CANX: variants seen among roughly 807,000 people sequenced by gnomAD.
CANX encodes epididymis secretory sperm binding protein.
A neutral mutation model predicts 75.7 loss-of-function variants in CANX; 14 were observed. That is an observed-to-expected ratio of 0.19 (90% CI 0.12 to 0.29). The LOEUF (loss-of-function observed/expected upper bound fraction) is 0.29, where lower values mean the gene tolerates loss of function less well. Among genes scored for constraint, CANX ranks in the 10% least tolerant of loss-of-function variants. CANX has a pLI of 1.00. For synonymous variants in CANX, 227 were observed against 236.9 expected, an observed-to-expected ratio of 0.96 and a Z score of 0.38; for missense variants, 567 against 713.2, an observed-to-expected ratio of 0.79 and a Z score of 2.34.
chr5:179,680,792 G>A (rs1000132233), intron 1 of CANX: 3 of 1,117,688 alleles, frequency 2.7e-6, no homozygotes, highest in Admixed American at 2.1e-5. Context: ...ACTAGAGCAG[G>A]GTTCCCTCTG....
chr5:179,723,644 C>T lies in CANX; in HGVS notation c.1399-16C>T, dbSNP rs1778456233. On this transcript the variant is annotated splice_polypyrimidine_tract_variant and intron_variant, in intron 11 of 14. Transcript: ENST00000247461. ...CAAAAGCTGGAACTTTCAATCAGCC[C>T]TGTCTTGTTTTTCAGCCAGGCGTTG... 3 of 1,610,058 alleles carry T rather than the reference C, an allele frequency of 1.9e-6. No homozygotes were observed. Among genetic ancestry groups the T allele is most frequent in the South Asian group, 2.2e-5 (2 of 90,220 alleles).
intron 1 of CANX, among the ~76,000 whole-genome samples, chr5:179,685,099 T>C (rs979009199): frequency 1.3e-5 from 2 of 151,444 alleles, no homozygotes; most frequent in Non-Finnish European, 2.9e-5. Flanking sequence ...ATCTATTTAT[T>C]TACTTATTTA....
intron 1 of CANX, among the ~76,000 whole-genome samples, chr5:179,686,620 A>T (rs768334738): frequency 8.6e-5 from 13 of 151,226 alleles, no homozygotes; most frequent in Non-Finnish European, 1.8e-4. Flanking sequence ...GCACCACTAC[A>T]CCCTGCTAAC....
chr5:179,699,139 G>A, intron 1 of CANX, 37 bp downstream of exon 1: 1 of 1,005,316 alleles, frequency 9.9e-7, no homozygotes, highest in Middle Eastern at 3.7e-4. Context: ...TCGGGCCTGT[G>A]AGGACCTCGG....
chr5:179,719,632 G>A, intron 8 of CANX, 36 bp from the exon 9 acceptor site: 1 of 1,185,796 alleles, frequency 8.4e-7, no homozygotes, highest in Non-Finnish European at 1.3e-6. Flanking sequence ...ACTGTGACCA[G>A]TGTTGTCATA....
chr5:179,718,426 T>C (rs1020651392), intron 8 of CANX, among the ~76,000 whole-genome samples: 1 of 152,182 alleles, frequency 6.6e-6, no homozygotes, highest in Non-Finnish European at 1.5e-5. Context: ...TTTCACCATG[T>C]TGGCCAGGAT....
chr5:179,710,306 G>A lies in CANX; in HGVS notation c.721+241G>A, dbSNP rs535041821. 9.2e-5 allele frequency among the ~76,000 whole-genome samples: 14 copies of A among 151,628 alleles called. No homozygotes were observed. The East Asian group carries it at 2.5e-3, about 27-fold the overall frequency. On this transcript the variant is annotated intron_variant, in intron 7 of 14. Coordinates refer to ENST00000247461, the MANE Select transcript of CANX (RefSeq NM_001746.4). ...GGCATGGTGGTGCACGCCTGTAACCGAAGCTAGTTGGGAGGCTGAGGCAGG... is the reference window on the plus strand; with the variant it reads ...GGCATGGTGGTGCACGCCTGTAACCAAAGCTAGTTGGGAGGCTGAGGCAGG...
intron 7 of CANX, among the ~76,000 whole-genome samples, chr5:179,714,337 G>A (rs1431109461): frequency 6.6e-6 from 1 of 152,022 alleles, no homozygotes; most frequent in African/African-American, 2.4e-5. Context: ...TTATATACAT[G>A]TATCAAAATA....
intron 8 of CANX, among the ~76,000 whole-genome samples, chr5:179,716,760 G>A (rs1381472766): frequency 1.3e-5 from 2 of 152,216 alleles, no homozygotes; most frequent in Non-Finnish European, 2.9e-5. Flanking sequence ...CCAGTTGTGA[G>A]GCATGATGTT....
chr5:179,682,234 A>G (rs1776082087), intron 1 of CANX, among the ~76,000 whole-genome samples: 1 of 149,174 alleles, frequency 6.7e-6, no homozygotes. Context: ...CCTGGGCAAC[A>G]AGAGCGAAAC....
chr5:179,680,336 A>G (rs746430035), intron 1 of CANX, among the ~76,000 whole-genome samples: 26 of 152,286 alleles, frequency 1.7e-4, no homozygotes, highest in African/African-American at 6.0e-4. Flanking sequence ...GATATCTAGC[A>G]TAGCCAACAG....
chr5:179,694,739 CGAGGAGGAGAT>C (rs1266859117), upstream of CANX: 5 of 645,530 alleles, frequency 7.7e-6, no homozygotes, highest in African/African-American at 1.8e-5. Context: ...AAGATGAAGA[CGAGGAGGAGAT>C]GAGGAGGAGG....
chr5:179,724,055 A>G (rs139936509), intron 12 of CANX, among the ~76,000 whole-genome samples: 15 of 152,282 alleles, frequency 9.9e-5, no homozygotes, highest in African/African-American at 3.6e-4. Context: ...AAAAAAAACA[A>G]TAAACTTAGA....
chr5:179,722,287 G>A (rs1019859027), intron 10 of CANX, among the ~76,000 whole-genome samples: 2 of 152,206 alleles, frequency 1.3e-5, no homozygotes, highest in African/African-American at 4.8e-5. Flanking sequence ...TGAAAAAGAA[G>A]TTGCCCTTTA....
At chr5:179,698,833 G>C (rs193279323), upstream of CANX, 23 of 839,316 alleles carry the variant, frequency 2.7e-5, no homozygotes, top group Middle Eastern at 5.0e-4. Context: ...ACGGTGCGTA[G>C]AGCGATGCCC....
intron 7 of CANX, 122 bp from the exon 8 acceptor site, chr5:179,715,983 C>A: frequency 1.3e-6 from 1 of 764,848 alleles, no homozygotes; most frequent in Non-Finnish European, 2.3e-6. Flanking sequence ...AGGCATTGTT[C>A]TTACCCCAAA....
chr5:179,699,097 C>T lies in CANX; in HGVS notation c.-9C>T, dbSNP rs953466193. The T allele has an allele frequency of 2.8e-6, 3 of 1,071,676 alleles. No homozygotes were observed. Among genetic ancestry groups the T allele is most frequent in the Non-Finnish European group, 2.3e-6 (2 of 878,486 alleles). 66.4% of individuals were successfully genotyped at this position (1,071,676 alleles called of 1,614,324 possible). On this transcript the variant is annotated 5_prime_UTR_variant, in exon 1 of 15. Transcript: ENST00000247461. Reference sequence around the variant, plus strand: ...GGGCACCCCCGCGGTCCCCGGGAGGCTAGAGGTGAGAGGGGAGACCTGAGC... The same window carrying T: ...GGGCACCCCCGCGGTCCCCGGGAGGTTAGAGGTGAGAGGGGAGACCTGAGC...
intron 1 of CANX, among the ~76,000 whole-genome samples, chr5:179,701,980 G>A (rs959485262): frequency 6.6e-6 from 1 of 151,352 alleles, no homozygotes; most frequent in African/African-American, 2.4e-5. Context: ...AGCTCAGGCA[G>A]TCCGCCCACC....
At chr5:179,690,985 A>C (rs911544118) in intron 1 of CANX, among the ~76,000 whole-genome samples, 3 of 152,112 alleles carry the variant, frequency 2.0e-5, no homozygotes, top group Admixed American at 6.6e-5. Context: ...ATGAGCTATA[A>C]ATTTATAGTG....
Sources: allele counts gnomAD v4.1 joint callset (sites outside exome capture counted in the v4.1 genomes callset), GRCh38; gene constraint gnomAD v4.1.1; transcripts MANE v1.5; gene names NCBI Gene and HGNC (gene_info 2026-07-23, HGNC 2026-07-21).